Variants in ZHX2 observed in about 807,000 individuals in gnomAD.
ZHX2 encodes the protein zinc fingers and homeoboxes protein 2.
A neutral mutation model predicts 21.9 loss-of-function variants in ZHX2; 6 were observed. The observed-to-expected ratio is 0.27, with a 90% CI of 0.15 to 0.54. ZHX2 has a LOEUF of 0.54. Among genes scored for constraint, ZHX2 ranks in the 20% least tolerant of loss-of-function variants. ZHX2 has a pLI of 0.95. For missense variants in ZHX2, 908 were observed against 1,090.7 expected (o/e 0.83, Z 2.36); for synonymous variants, 434 against 437.1 (o/e 0.99, Z 0.09).
At chr8:122,800,832 CA>C (rs1817704463) in intron 1 of ZHX2, among the ~76,000 whole-genome samples, 2 of 152,006 alleles carry the variant, frequency 1.3e-5, no homozygotes, top group Admixed American at 6.6e-5. Context: ...CTTTCAAAAC[CA>C]TGTGGGGGAG....
intron 1 of ZHX2, among the ~76,000 whole-genome samples, chr8:122,848,324 C>A (rs915590287): frequency 2.6e-5 from 4 of 152,064 alleles, no homozygotes; most frequent in Non-Finnish European, 5.9e-5. Context: ...CTGAAGAAGG[C>A]GAAGAAGGCA....
At chr8:122,906,119 A>T (rs997808807) in intron 2 of ZHX2, among the ~76,000 whole-genome samples, 5 of 152,234 alleles carry the variant, frequency 3.3e-5, no homozygotes, top group African/African-American at 1.2e-4. Context: ...TATAAACCCC[A>T]AACTATGGAA....
At chr8:122,784,544 A>G (rs1381690953) in intron 1 of ZHX2, among the ~76,000 whole-genome samples, 4 of 152,232 alleles carry the variant, frequency 2.6e-5, no homozygotes, top group Non-Finnish European at 5.9e-5. Context: ...AGGGAACAGT[A>G]GCCACTGTCC....
intron 2 of ZHX2, among the ~76,000 whole-genome samples, chr8:122,894,259 T>C (rs145406859): frequency 1.7e-3 from 253 of 152,314 alleles, no homozygotes; most frequent in African/African-American, 4.9e-3. Flanking sequence ...TTTTCTCCTT[T>C]GAAGGTGCTA....
intron 2 of ZHX2, among the ~76,000 whole-genome samples, chr8:122,865,648 A>G (rs548997327): frequency 2.0e-5 from 3 of 152,344 alleles, no homozygotes; most frequent in East Asian, 1.9e-4. Flanking sequence ...GGCCTCAAGC[A>G]TCAGTCTCCT....
intron 2 of ZHX2, among the ~76,000 whole-genome samples, chr8:122,892,724 G>A (rs535684628): frequency 1.1e-4 from 17 of 151,888 alleles, no homozygotes; most frequent in South Asian, 2.1e-4. Flanking sequence ...TCGCACTGTC[G>A]CCTGGGCTGG....
At chr8:122,830,065 G>T (rs551404062) in intron 1 of ZHX2, among the ~76,000 whole-genome samples, 37 of 152,338 alleles carry the variant, frequency 2.4e-4, no homozygotes, top group Non-Finnish European at 5.3e-4. Context: ...TAAGGTTCTT[G>T]TATCAGTTCA....
chr8:122,908,759 A>G (rs1227851114), intron 2 of ZHX2, among the ~76,000 whole-genome samples: 1 of 152,156 alleles, frequency 6.6e-6, no homozygotes, highest in African/African-American at 2.4e-5. Flanking sequence ...GACTGTGGCT[A>G]GGGTAAGAAT....
At chr8:122,827,668 A>G (rs1818291062) in intron 1 of ZHX2, among the ~76,000 whole-genome samples, 1 of 152,246 alleles carries the variant, frequency 6.6e-6, no homozygotes, top group Non-Finnish European at 1.5e-5. Flanking sequence ...GGGGGTGAAA[A>G]AGGAGAGAAT....
At chr8:122,900,343 A>G (rs1279479159) in intron 2 of ZHX2, among the ~76,000 whole-genome samples, 1 of 152,188 alleles carries the variant, frequency 6.6e-6, no homozygotes, top group Non-Finnish European at 1.5e-5. Flanking sequence ...GGAGAAAGCA[A>G]GAGAGTCAGG....
At chr8:122,812,924 A>G (rs1314029877) in intron 1 of ZHX2, among the ~76,000 whole-genome samples, 1 of 152,178 alleles carries the variant, frequency 6.6e-6, no homozygotes, top group African/African-American at 2.4e-5. Context: ...GGCCAGGCGC[A>G]GTGGCTCCCG....
chr8:122,971,843 C>T (rs561523515), intron 3 of ZHX2, among the ~76,000 whole-genome samples: 2 of 152,122 alleles, frequency 1.3e-5, no homozygotes, highest in African/African-American at 2.4e-5. Context: ...GACCTGCCCC[C>T]ATTTCCTCTA....
intron 3 of ZHX2, among the ~76,000 whole-genome samples, chr8:122,964,511 T>C (rs1586430385): frequency 2.0e-5 from 3 of 152,288 alleles, no homozygotes; most frequent in East Asian, 3.9e-4. Flanking sequence ...CATGGTGGAT[T>C]ATCTCTTTGG....
At chr8:122,882,416 C>G (rs1341901307) in intron 2 of ZHX2, among the ~76,000 whole-genome samples, 1 of 151,910 alleles carries the variant, frequency 6.6e-6, no homozygotes, top group Non-Finnish European at 1.5e-5. Flanking sequence ...TTTGCCTCTA[C>G]TCTCAAGAAT....
At chr8:122,783,710 T>A (rs990507717) in intron 1 of ZHX2, among the ~76,000 whole-genome samples, 4 of 152,182 alleles carry the variant, frequency 2.6e-5, no homozygotes, top group Non-Finnish European at 5.9e-5. Flanking sequence ...TAAAATGGCA[T>A]GTTTAATAGT....
intron 1 of ZHX2, among the ~76,000 whole-genome samples, chr8:122,783,272 T>G (rs1817328920): frequency 2.0e-5 from 3 of 152,160 alleles, no homozygotes; most frequent in Admixed American, 6.5e-5. Context: ...ACCCCTCCCC[T>G]TTTAAAGAGT....
At chr8:122,910,743 G>T (rs1010409219) in intron 2 of ZHX2, among the ~76,000 whole-genome samples, 1 of 151,872 alleles carries the variant, frequency 6.6e-6, no homozygotes, top group African/African-American at 2.4e-5. Flanking sequence ...GCTGGGGGGT[G>T]GGGGGTGGGG....
At chr8:122,925,474 T>C (rs1820827278) in intron 2 of ZHX2, among the ~76,000 whole-genome samples, 1 of 152,160 alleles carries the variant, frequency 6.6e-6, no homozygotes, top group Non-Finnish European at 1.5e-5. Context: ...CCCACACAGG[T>C]AACTCTAATA....
At chr8:122,906,639 T>TC (rs1410452853) in intron 2 of ZHX2, among the ~76,000 whole-genome samples, 5 of 151,962 alleles carry the variant, frequency 3.3e-5, no homozygotes, top group Non-Finnish European at 7.4e-5. Context: ...TACTTTTACT[T>TC]TAAACACTTC....
Sources: allele counts gnomAD v4.1 joint callset (sites outside exome capture counted in the v4.1 genomes callset), GRCh38; gene constraint gnomAD v4.1.1; transcripts MANE v1.5; gene names NCBI Gene and HGNC (gene_info 2026-07-23, HGNC 2026-07-21).